RNF138: variants seen among roughly 807,000 people sequenced by gnomAD.
RNF138 encodes E3 ubiquitin-protein ligase RNF138.
A neutral mutation model predicts 31.0 loss-of-function variants in RNF138; 12 were observed. That is an observed-to-expected ratio of 0.39 (90% CI 0.25 to 0.63). The LOEUF (loss-of-function observed/expected upper bound fraction) is 0.63. Ranked by LOEUF, RNF138 falls within the 20% of genes least tolerant of loss-of-function variation. The probability of loss-of-function intolerance (pLI) is 0.52; values close to 1 mark genes in which losing one functional copy is unlikely to be tolerated. For missense variants in RNF138, 192 were observed against 300.1 expected, an observed-to-expected ratio of 0.64 and a Z score of 2.66; for synonymous variants, 105 against 99.5, an observed-to-expected ratio of 1.06 and a Z score of -0.33.
chr18:32,123,676 G>C, intron 5 of RNF138, 102 bp downstream of exon 5: 1 of 725,468 alleles, frequency 1.4e-6, no homozygotes, highest in Non-Finnish European at 2.1e-6. Context: ...TTTTGAGACG[G>C]AGTCTCACTT....
Position 32,108,192 on chromosome 18 carries a change from C to T in RNF138, c.111-3562C>T, listed in dbSNP as rs541493947. 3.3e-5 allele frequency among the ~76,000 whole-genome samples: 5 copies of T among 152,212 alleles called. No individual in the cohort carries two copies. In the South Asian group the frequency reaches 1.0e-3, roughly 32 times the overall value. ...TTTAAGTATAAAATGCATACAGAAACGTGTCCCTATCACAGATATCCAGCT... is the reference window on the plus strand; with the variant it reads ...TTTAAGTATAAAATGCATACAGAAATGTGTCCCTATCACAGATATCCAGCT... On this transcript the variant is annotated intron_variant, in intron 2 of 7. Coordinates refer to ENST00000261593, the MANE Select transcript of RNF138 (RefSeq NM_016271.5).
intron 2 of RNF138, among the ~76,000 whole-genome samples, chr18:32,104,909 TA>T (rs2040003867): frequency 6.6e-6 from 1 of 152,108 alleles, no homozygotes; most frequent in South Asian, 2.1e-4. Flanking sequence ...AATAAAGAGC[TA>T]ATGATTATGA....
At chr18:32,125,086 G>A (rs2040363783) in intron 6 of RNF138, 3 of 350,370 alleles carry the variant, frequency 8.6e-6, no homozygotes, top group African/African-American at 2.0e-5. Context: ...ACAGTCTGGA[G>A]AAGAGTGAAG....
intron 2 of RNF138, among the ~76,000 whole-genome samples, chr18:32,104,444 T>G (rs1271142918): frequency 6.6e-6 from 1 of 152,154 alleles, no homozygotes. Context: ...CCCCTGACAT[T>G]TAACATTGTA....
chr18:32,112,435 A>G (rs1444027318), intron 3 of RNF138, among the ~76,000 whole-genome samples: 1 of 152,204 alleles, frequency 6.6e-6, no homozygotes, highest in Non-Finnish European at 1.5e-5. Flanking sequence ...CTGTAATCCC[A>G]GCACTTATGG....
chr18:32,107,646 A>T (rs769103988), intron 2 of RNF138, among the ~76,000 whole-genome samples: 2 of 151,308 alleles, frequency 1.3e-5, no homozygotes, highest in Non-Finnish European at 2.9e-5. Flanking sequence ...TCAGCCTCCC[A>T]AGTAGCTAGG....
At chr18:32,108,453 T>C (rs1480919444) in intron 2 of RNF138, among the ~76,000 whole-genome samples, 4 of 152,194 alleles carry the variant, frequency 2.6e-5, no homozygotes, top group African/African-American at 9.7e-5. Context: ...CTTGTTTAGC[T>C]CAACATTATA....
At chr18:32,124,530 G>A (rs1453237021) in intron 5 of RNF138, 2 of 458,046 alleles carry the variant, frequency 4.4e-6, no homozygotes, top group African/African-American at 3.9e-5. Context: ...ATTTATTGAG[G>A]ACACTAAGAG....
chr18:32,114,006 C>T (rs1452648727), intron 4 of RNF138, 146 bp downstream of exon 4: 3 of 482,746 alleles, frequency 6.2e-6, no homozygotes, highest in African/African-American at 4.1e-5. Context: ...ATCAGAACTA[C>T]AGCATTTGCC....
chr18:32,129,035 G>A (rs2040430060), intron 7 of RNF138, 84 bp from the exon 8 acceptor site: 2 of 839,718 alleles, frequency 2.4e-6, no homozygotes, highest in South Asian at 2.7e-5. Context: ...TGTGTAATGT[G>A]TATCAAGATG....
chr18:32,119,228 T>C (rs1404097250), intron 4 of RNF138, among the ~76,000 whole-genome samples: 1 of 152,120 alleles, frequency 6.6e-6, no homozygotes, highest in Non-Finnish European at 1.5e-5. Flanking sequence ...TAGGAGGTGA[T>C]CCATTGTTCA....
chr18:32,125,403 A>G (rs1427704460), intron 6 of RNF138, among the ~76,000 whole-genome samples: 1 of 152,194 alleles, frequency 6.6e-6, no homozygotes, highest in Non-Finnish European at 1.5e-5. Flanking sequence ...AGGGAGATAG[A>G]GCAGAATTCA....
intron 4 of RNF138, among the ~76,000 whole-genome samples, chr18:32,114,846 T>G (rs1315057021): frequency 6.6e-6 from 1 of 152,024 alleles, no homozygotes; most frequent in South Asian, 2.1e-4. Flanking sequence ...CATACTACAT[T>G]AGGCGTCTTC....
chr18:32,122,249 G>C (rs1261218501), intron 4 of RNF138, among the ~76,000 whole-genome samples: 1 of 152,136 alleles, frequency 6.6e-6, no homozygotes, highest in Non-Finnish European at 1.5e-5. Context: ...TCACAGAAGT[G>C]AACTGAGTGT....
chr18:32,113,702 G>A, intron 3 of RNF138, 43 bp from the exon 4 acceptor site: 3 of 853,712 alleles, frequency 3.5e-6, no homozygotes, highest in Non-Finnish European at 5.3e-6. Context: ...CAAATCTTAC[G>A]AGTTCTATTT....
Position 32,123,534 on chromosome 18 carries a change from T to C in RNF138, c.409T>C (p.Ser137Pro). Residue 137 changes from serine (S) to proline (P), a missense_variant, in exon 5 of 8, where the codon TCC becomes CCC. Coordinates refer to ENST00000261593, the MANE Select transcript of RNF138 (RefSeq NM_016271.5). The stretch of plus-strand genomic sequence containing the variant: ...CTTCTTAAGCAATAGGAGTGAAACA[T>C]CCACATCTGATAACACAGAAACTTA... ...SVGNSNRSET[S>P]TSDNTETYQE... The C allele has an allele frequency of 6.3e-7, 1 of 1,591,402 alleles. No individual in the cohort carries two copies. Among genetic ancestry groups the C allele is most frequent in the South Asian group, 1.2e-5 (1 of 86,906 alleles).
chr18:32,092,712 C>T lies in RNF138; in HGVS notation c.-65C>T, dbSNP rs758984216. The T allele has an allele frequency of 4.9e-6, 5 of 1,019,004 alleles. No homozygotes were observed. In the South Asian group the frequency reaches 5.5e-5, roughly 11 times the overall value. The allele number at this position is 1,019,004 out of a possible 1,614,324, so 63.1% of individuals were successfully genotyped here. A position where few individuals can be genotyped will look rare whatever the true frequency, so the allele number is the denominator to read the frequency against. On this transcript the variant is annotated 5_prime_UTR_variant, in exon 2 of 8. Coordinates refer to ENST00000261593, the MANE Select transcript of RNF138 (RefSeq NM_016271.5). ...CGGGTTCATGTAGGGAGTCGGGCCC[C>T]GGGCCGCCACCGTCACCTCGGCCGC...
rs1356690094 is a variant in RNF138, at chr18:32,130,129, G to T, written c.*942G>T. ...ATACACATATGTGTGTATGCAGTTT[G>T]TCAGGTTATATATAGAATTTCTATT... On this transcript the variant is annotated 3_prime_UTR_variant, in exon 8 of 8. Transcript: ENST00000261593. 1 of 152,368 alleles carries T rather than the reference G, an allele frequency of 6.6e-6. No homozygotes were observed. The highest frequency in any genetic ancestry group is 1.5e-5 in the Non-Finnish European group (1 of 67,890). The allele number at this position is 152,368 out of a possible 1,614,324, so 9.4% of individuals were successfully genotyped here.
chr18:32,100,958 G>A (rs907659321), intron 2 of RNF138, among the ~76,000 whole-genome samples: 2 of 152,168 alleles, frequency 1.3e-5, no homozygotes, highest in African/African-American at 4.8e-5. Flanking sequence ...AATTACAAAT[G>A]TATAGGTTTC....
Sources: gnomAD v4.1 joint callset for allele counts (sites outside exome capture counted in the v4.1 genomes callset) on GRCh38, gnomAD v4.1.1 for gene constraint, MANE v1.5 for transcripts, NCBI Gene and HGNC (gene_info 2026-07-23, HGNC 2026-07-21) for gene names.